Variants in CNTNAP2 observed in about 807,000 individuals in gnomAD.
The protein encoded by CNTNAP2 is contactin associated protein 2.
A neutral mutation model predicts 155.2 loss-of-function variants in CNTNAP2; 98 were observed. The observed-to-expected ratio is 0.63, with a 90% CI of 0.54 to 0.75. The LOEUF (loss-of-function observed/expected upper bound fraction) is 0.75. CNTNAP2 is among the 30% of genes least tolerant of loss of function. The pLI, the probability that CNTNAP2 is intolerant of heterozygous loss-of-function variation, is 0.00. For missense variants in CNTNAP2, 1,727 were observed against 1,688.1 expected (o/e 1.02, Z -0.40); for synonymous variants, 651 against 631.2 (o/e 1.03, Z -0.47).
chr7:147,753,984 G>C (rs1797177313), intron 13 of CNTNAP2, among the ~76,000 whole-genome samples: 1 of 152,080 alleles, frequency 6.6e-6, no homozygotes, highest in Non-Finnish European at 1.5e-5. Flanking sequence ...TGTGTCCGTT[G>C]TCTGAAAGCA....
chr7:146,770,071 A>C (rs1326127815), intron 1 of CNTNAP2, among the ~76,000 whole-genome samples: 1 of 152,156 alleles, frequency 6.6e-6, no homozygotes, highest in Non-Finnish European at 1.5e-5. Context: ...TGAGCAACTC[A>C]ACTAACAACA....
intron 1 of CNTNAP2, among the ~76,000 whole-genome samples, chr7:146,351,030 G>A (rs1794906900): frequency 8.0e-6 from 1 of 125,152 alleles, no homozygotes. Flanking sequence ...GGCTTGTTGT[G>A]GGGTGGGGGG....
At chr7:147,856,680 TAGAA>T (rs1799045984) in intron 13 of CNTNAP2, among the ~76,000 whole-genome samples, 1 of 151,780 alleles carries the variant, frequency 6.6e-6, no homozygotes, top group Non-Finnish European at 1.5e-5. Flanking sequence ...AGTCAAAAAT[TAGAA>T]AGAAAGTTTG....
At chr7:146,371,166 T>A (rs2129102711) in intron 1 of CNTNAP2, among the ~76,000 whole-genome samples, 1 of 152,130 alleles carries the variant, frequency 6.6e-6, no homozygotes, top group Admixed American at 6.5e-5. Context: ...GGTGTGCATC[T>A]GCTATTTCAT....
intron 1 of CNTNAP2, among the ~76,000 whole-genome samples, chr7:146,123,517 A>T (rs1364734481): frequency 1.3e-5 from 2 of 152,194 alleles, no homozygotes; most frequent in African/African-American, 2.4e-5. Context: ...AACATCTAAG[A>T]TGGAATCAAG....
At chr7:147,997,491 G>A (rs987242393) in intron 15 of CNTNAP2, among the ~76,000 whole-genome samples, 1 of 151,636 alleles carries the variant, frequency 6.6e-6, no homozygotes, top group Non-Finnish European at 1.5e-5. Context: ...GGGAGGCGGA[G>A]GTTGTGGTGA....
At chr7:146,685,384 T>G (rs1349297346) in intron 1 of CNTNAP2, among the ~76,000 whole-genome samples, 4 of 152,182 alleles carry the variant, frequency 2.6e-5, no homozygotes, top group Non-Finnish European at 5.9e-5. Flanking sequence ...GATTACTGAA[T>G]AGAACAGAGA....
intron 13 of CNTNAP2, among the ~76,000 whole-genome samples, chr7:147,888,966 A>C (rs1433389587): frequency 6.6e-6 from 1 of 152,136 alleles, no homozygotes; most frequent in African/African-American, 2.4e-5. Flanking sequence ...AATTTGTGAT[A>C]TTTAAGGAAA....
At chr7:147,867,527 A>C (rs1390260312) in intron 13 of CNTNAP2, among the ~76,000 whole-genome samples, 2 of 152,246 alleles carry the variant, frequency 1.3e-5, no homozygotes, top group African/African-American at 4.8e-5. Context: ...CTCCTGGATA[A>C]TATCCTGAAG....
intron 2 of CNTNAP2, among the ~76,000 whole-genome samples, chr7:146,817,282 G>C (rs911226344): frequency 1.3e-5 from 2 of 151,834 alleles, no homozygotes; most frequent in Admixed American, 1.3e-4. Flanking sequence ...GACCAGCCTG[G>C]CTAACATGGA....
At chr7:148,081,263 G>T (rs1261192317) in intron 15 of CNTNAP2, among the ~76,000 whole-genome samples, 2 of 152,056 alleles carry the variant, frequency 1.3e-5, no homozygotes, top group South Asian at 2.1e-4. Flanking sequence ...CTTCATGGAG[G>T]GTGTGATAGT....
At chr7:147,325,931 CT>C (rs1036764586) in intron 9 of CNTNAP2, among the ~76,000 whole-genome samples, 3 of 150,968 alleles carry the variant, frequency 2.0e-5, no homozygotes, top group Admixed American at 2.0e-4. Context: ...TTCTATTTTC[CT>C]TTTTTTTTGA....
At chr7:147,375,376 T>A (rs1217089287) in intron 9 of CNTNAP2, among the ~76,000 whole-genome samples, 2 of 151,994 alleles carry the variant, frequency 1.3e-5, no homozygotes, top group African/African-American at 4.8e-5. Context: ...TTACTGTCTG[T>A]TTTACAGTAA....
chr7:147,585,841 T>C (rs1321167708), intron 12 of CNTNAP2, among the ~76,000 whole-genome samples: 2 of 152,080 alleles, frequency 1.3e-5, no homozygotes, highest in African/African-American at 4.8e-5. Context: ...TTATATATAA[T>C]ACTTTATAGG....
At chr7:146,475,553 T>G (rs1052738706) in intron 1 of CNTNAP2, among the ~76,000 whole-genome samples, 2 of 152,110 alleles carry the variant, frequency 1.3e-5, no homozygotes, top group Non-Finnish European at 2.9e-5. Flanking sequence ...TTGGACAGGA[T>G]GGTATAATGA....
chr7:148,290,300 T>C (rs1462433617), intron 21 of CNTNAP2, among the ~76,000 whole-genome samples: 1 of 152,222 alleles, frequency 6.6e-6, no homozygotes, highest in Non-Finnish European at 1.5e-5. Context: ...AGTTTTCACC[T>C]TCACTTTTAG....
chr7:146,752,341 CATT>C (rs1422576080), intron 1 of CNTNAP2, among the ~76,000 whole-genome samples: 2 of 152,182 alleles, frequency 1.3e-5, no homozygotes, highest in Non-Finnish European at 2.9e-5. Context: ...GGTGGCATCT[CATT>C]GTGGTTTTGA....
chr7:147,578,300 T>C (rs1042156009), intron 12 of CNTNAP2, among the ~76,000 whole-genome samples: 2 of 152,136 alleles, frequency 1.3e-5, no homozygotes, highest in Non-Finnish European at 2.9e-5. Flanking sequence ...ATTTTCTTTT[T>C]CTTGTTTCAA....
chr7:148,102,513 T>A (rs1005568827), intron 15 of CNTNAP2, among the ~76,000 whole-genome samples: 3 of 152,220 alleles, frequency 2.0e-5, no homozygotes, highest in Admixed American at 2.0e-4. Flanking sequence ...CTGGGTTGAA[T>A]GCAAAACCTC....
Sources: allele counts gnomAD v4.1 joint callset (sites outside exome capture counted in the v4.1 genomes callset), GRCh38; gene constraint gnomAD v4.1.1; transcripts MANE v1.5; gene names NCBI Gene and HGNC (gene_info 2026-07-23, HGNC 2026-07-21).